The following ZNF516 variants were observed in gnomAD, a reference collection of about 807,000 sequenced individuals.
The protein encoded by ZNF516 is zinc finger protein 516.
Under a neutral mutation model 79.7 loss-of-function variants are expected in ZNF516, and 19 were observed. The observed-to-expected ratio is 0.24, with a 90% CI of 0.17 to 0.35. The LOEUF is 0.35. ZNF516 is among the 10% of genes least tolerant of loss of function. ZNF516 has a pLI of 1.00. For synonymous variants in ZNF516, 877 were observed against 739.5 expected (o/e 1.19, Z -3.02); for missense variants, 1,678 against 1,679.5 (o/e 1.00, Z 0.02).
chr18:76,455,306 G>C (rs895896866), intron 2 of ZNF516, among the ~76,000 whole-genome samples: 3 of 152,170 alleles, frequency 2.0e-5, no homozygotes, highest in Non-Finnish European at 2.9e-5. Flanking sequence ...CTACAACCAC[G>C]GTCATTTTTC....
At chr18:76,369,266 G>A (rs182368623) in intron 6 of ZNF516, among the ~76,000 whole-genome samples, 7 of 152,192 alleles carry the variant, frequency 4.6e-5, no homozygotes, top group Admixed American at 1.3e-4. Context: ...TACTTATTTC[G>A]TAAGTTGTCA....
At chr18:76,436,239 G>GT (rs1272695681) in intron 3 of ZNF516, among the ~76,000 whole-genome samples, 1 of 152,170 alleles carries the variant, frequency 6.6e-6, no homozygotes, top group Non-Finnish European at 1.5e-5. Context: ...CTCAGAATGA[G>GT]GACATCCCAC....
intron 6 of ZNF516, among the ~76,000 whole-genome samples, chr18:76,364,356 G>A (rs1434398575): frequency 6.6e-6 from 1 of 152,134 alleles, no homozygotes; most frequent in Non-Finnish European, 1.5e-5. Flanking sequence ...AATAAAACAG[G>A]GAAGAAAGGA....
chr18:76,465,831 C>T (rs8086248), intron 1 of ZNF516, among the ~76,000 whole-genome samples: 15 of 152,222 alleles, frequency 9.9e-5, no homozygotes, highest in East Asian at 1.9e-4. Flanking sequence ...GTGATGGTCA[C>T]GAAAACAGAG....
At position 76,379,958 on chromosome 18, in the gene ZNF516, G is replaced by C. The variant is rs569479817; in HGVS notation, c.2156C>G (p.Ser719Cys). The change falls in exon 4 of 7, where the codon TCT becomes TGT. Residue 719 changes from serine (S) to cysteine (C), a missense_variant. Ser to Cys is a moderately radical substitution (Grantham distance 112). Transcript: ENST00000443185. Reference sequence around the variant, plus strand: ...GGCCAGCGCCCGCTTCCCTCCCCCAGAGTGTTCCTTGTTGTGCAAATCGGA... The same window carrying C: ...GGCCAGCGCCCGCTTCCCTCCCCCACAGTGTTCCTTGTTGTGCAAATCGGA... ...KLSDLHNKEHSGGGKRALAPD... is the reference protein window; with the variant it reads ...KLSDLHNKEHCGGGKRALAPD... The C allele has an allele frequency of 1.5e-4, 243 of 1,613,888 alleles. No homozygotes were observed. Among genetic ancestry groups the C allele is most frequent in the Non-Finnish European group, 2.0e-4 (236 of 1,179,902 alleles).
intron 1 of ZNF516, among the ~76,000 whole-genome samples, chr18:76,477,603 A>T (rs113814668): frequency 2.0e-5 from 3 of 152,082 alleles, no homozygotes; most frequent in Non-Finnish European, 4.4e-5. Context: ...ACAAAATGTG[A>T]TTCTCTTGCA....
At chr18:76,416,776 C>T (rs1430517827) in intron 3 of ZNF516, among the ~76,000 whole-genome samples, 1 of 152,186 alleles carries the variant, frequency 6.6e-6, no homozygotes, top group Non-Finnish European at 1.5e-5. Context: ...CCATTTAAAA[C>T]ACATTCTCCC....
In ZNF516 at chr18:76,493,213, A is replaced by G; in HGVS notation, c.-272+1931T>C. ...CCTTCTTTAAGGAGGGAGGCGTCAGACGATATCCATTTAAATATATTTTGT... is the reference window on the plus strand; with the variant it reads ...CCTTCTTTAAGGAGGGAGGCGTCAGGCGATATCCATTTAAATATATTTTGT... On this transcript the variant is annotated intron_variant, in intron 1 of 6. Transcript: ENST00000443185. This position sits in a 1 kb window ranked among gnomAD's most constrained non-coding sequence, Gnocchi z 5.2. 5 of 971,306 alleles carry G rather than the reference A, an allele frequency of 5.1e-6. No individual in the cohort carries two copies. Among genetic ancestry groups the G allele is most frequent in the Non-Finnish European group, 6.1e-6 (5 of 817,294 alleles). 60.2% of individuals were successfully genotyped at this position (971,306 alleles called of 1,614,324 possible). A position where few individuals can be genotyped will look rare whatever the true frequency, so the allele number is the denominator to read the frequency against.
chr18:76,400,434 G>T (rs1449717750), intron 3 of ZNF516, among the ~76,000 whole-genome samples: 1 of 152,200 alleles, frequency 6.6e-6, no homozygotes, highest in Non-Finnish European at 1.5e-5. Context: ...TAAACGCCCA[G>T]AAAGTTAAAA....
At position 76,361,605 on chromosome 18, in the gene ZNF516, G is replaced by A. The variant is rs2074538259; in HGVS notation, c.*893C>T. The A allele has an allele frequency of 1.3e-5, 2 of 152,224 alleles. No homozygotes were observed. Among genetic ancestry groups the A allele is most frequent in the South Asian group, 4.1e-4 (2 of 4,832 alleles). 9.4% of individuals were successfully genotyped at this position (152,224 alleles called of 1,614,324 possible). A position where few individuals can be genotyped will look rare whatever the true frequency, so the allele number is the denominator to read the frequency against. ...GGATTCTTCTGCCATTACTAAAACA[G>A]GTCCGAATCGGGAGGACTCAGTGGC... On this transcript the variant is annotated 3_prime_UTR_variant, in exon 7 of 7. Coordinates refer to ENST00000443185, the MANE Select transcript of ZNF516 (RefSeq NM_014643.4).
chr18:76,403,632 A>C (rs914994735), intron 3 of ZNF516, among the ~76,000 whole-genome samples: 1 of 152,144 alleles, frequency 6.6e-6, no homozygotes, highest in African/African-American at 2.4e-5. Context: ...ACACCCATGA[A>C]TCCACCATTC....
intron 3 of ZNF516, among the ~76,000 whole-genome samples, chr18:76,380,930 C>G (rs1427113748): frequency 6.6e-6 from 1 of 152,194 alleles, no homozygotes; most frequent in Non-Finnish European, 1.5e-5. Context: ...CCCCAAGGTC[C>G]CCCAGAGGCG....
At position 76,362,566 on chromosome 18, in the gene ZNF516, G is replaced by C; in HGVS notation, c.3433-9C>G. The C allele has an allele frequency of 6.2e-7, 1 of 1,606,592 alleles. No individual in the cohort carries two copies. Among genetic ancestry groups the C allele is most frequent in the Non-Finnish European group, 8.5e-7 (1 of 1,173,930 alleles). ...TTAGAATGGTCTCTCCCCTGGGTGA[G>C]AAAAAGGAAAGAACAGGAGAAAAGC... On this transcript the variant is annotated splice_polypyrimidine_tract_variant and intron_variant, in intron 6 of 6. Coordinates refer to ENST00000443185, the MANE Select transcript of ZNF516 (RefSeq NM_014643.4).
intron 2 of ZNF516, among the ~76,000 whole-genome samples, chr18:76,447,171 C>T (rs1302682858): frequency 6.6e-6 from 1 of 151,754 alleles, no homozygotes; most frequent in Non-Finnish European, 1.5e-5. Flanking sequence ...AAGGGCATCC[C>T]TTCCAAAAAA....
intron 4 of ZNF516, among the ~76,000 whole-genome samples, chr18:76,373,603 T>A (rs1407338195): frequency 1.3e-5 from 2 of 152,272 alleles, no homozygotes; most frequent in South Asian, 4.1e-4. Flanking sequence ...ATTATTCTTT[T>A]TTCAAGTAAT....
chr18:76,365,453 T>A (rs888438038), intron 6 of ZNF516, among the ~76,000 whole-genome samples: 2 of 152,214 alleles, frequency 1.3e-5, no homozygotes, highest in Admixed American at 6.5e-5. Context: ...TAAAGAAACT[T>A]CCTAGTTTTT....
chr18:76,422,354 G>A (rs566014669), intron 3 of ZNF516, among the ~76,000 whole-genome samples: 9 of 152,338 alleles, frequency 5.9e-5, no homozygotes, highest in Non-Finnish European at 8.8e-5. Flanking sequence ...GGGGCCTGAC[G>A]GATGATGACC....
At chr18:76,426,992 C>A (rs2075602546) in intron 3 of ZNF516, among the ~76,000 whole-genome samples, 1 of 152,178 alleles carries the variant, frequency 6.6e-6, no homozygotes, top group South Asian at 2.1e-4. Context: ...ATCCCACCTC[C>A]AAGTCCCAGC....
chr18:76,495,784 CAG>C, upstream of ZNF516: 1 of 1,123,364 alleles, frequency 8.9e-7, no homozygotes, highest in South Asian at 1.7e-5. Flanking sequence ...TCGGGGGTCC[CAG>C]GTGCGTGTGC....
Sources: gnomAD v4.1 joint callset for allele counts (sites outside exome capture counted in the v4.1 genomes callset) on GRCh38, gnomAD v4.1.1 for gene constraint, Gnocchi (gnomAD v3.1) non-coding constraint, MANE v1.5 for transcripts, NCBI Gene and HGNC (gene_info 2026-07-23, HGNC 2026-07-21) for gene names.